Variants in GRID2 observed in about 807,000 individuals in gnomAD.
GRID2 encodes the protein glutamate ionotropic receptor delta type subunit 2.
GRID2 carries 33 observed loss-of-function variants against 114.8 expected under a neutral mutation model. That is an observed-to-expected ratio of 0.29 (90% CI 0.22 to 0.38). The LOEUF (loss-of-function observed/expected upper bound fraction) is 0.38, where lower values mean the gene tolerates loss of function less well. GRID2 is among the 10% of genes least tolerant of loss of function. The pLI is 1.00. For missense variants in GRID2, 1,184 were observed against 1,257.7 expected, an observed-to-expected ratio of 0.94 and a Z score of 0.89; for synonymous variants, 505 against 449.9, an observed-to-expected ratio of 1.12 and a Z score of -1.55.
intron 2 of GRID2, among the ~76,000 whole-genome samples, chr4:92,648,957 A>G (rs1731779105): frequency 7.9e-6 from 1 of 125,866 alleles, no homozygotes; most frequent in Non-Finnish European, 1.7e-5. Flanking sequence ...ATTTATGTGT[A>G]GAACTAGCTG....
chr4:93,438,540 G>T (rs1721320844), intron 10 of GRID2, among the ~76,000 whole-genome samples: 1 of 152,034 alleles, frequency 6.6e-6, no homozygotes, highest in African/African-American at 2.4e-5. Flanking sequence ...GTAGGCCTGA[G>T]AATGCATTGG....
In GRID2 at chr4:93,476,826, G is replaced by C. The variant is rs529939686; in HGVS notation, c.1859-13813G>C. Among the ~76,000 whole-genome samples the C allele has an allele frequency of 5.9e-5, 9 of 152,170 alleles. No homozygotes were observed. The South Asian group carries it at 1.9e-3, about 32-fold the overall frequency. ...CTTATATCAATGTTCTGAAGATATA[G>C]TCTTATTTTTATCATTAACATTTAC... is the stretch of plus-strand genomic sequence containing the variant. On this transcript the variant is annotated intron_variant, in intron 11 of 15. Transcript: ENST00000282020.
chr4:92,487,958 T>A (rs540333076), intron 1 of GRID2, among the ~76,000 whole-genome samples: 16 of 152,298 alleles, frequency 1.1e-4, no homozygotes, highest in Admixed American at 6.5e-4. Context: ...CTGTTAGATA[T>A]TCTGATTTAT....
intron 12 of GRID2, among the ~76,000 whole-genome samples, chr4:93,513,714 T>C (rs1371322989): frequency 6.6e-6 from 1 of 152,176 alleles, no homozygotes; most frequent in East Asian, 1.9e-4. Flanking sequence ...GTAAATAATA[T>C]ACATCAAAAA....
At position 93,774,319 on chromosome 4, in the gene GRID2, C is replaced by T. The variant is rs1447826881; in HGVS notation, c.*1821C>T. ...GTAACATTCATGATCTCATTTACAA[C>T]TCTGATTTTAAAACAAAAAAATCTT... is the stretch of plus-strand genomic sequence containing the variant. On this transcript the variant is annotated 3_prime_UTR_variant, in exon 16 of 16. Coordinates refer to ENST00000282020, the MANE Select transcript of GRID2 (RefSeq NM_001510.4). 2.6e-5 allele frequency: 4 copies of T among 151,984 alleles called. No individual in the cohort carries two copies. Among genetic ancestry groups the T allele is most frequent in the Non-Finnish European group, 5.9e-5 (4 of 67,952 alleles). 9.4% of individuals were successfully genotyped at this position (151,984 alleles called of 1,614,324 possible). A position where few individuals can be genotyped will look rare whatever the true frequency, so the allele number is the denominator to read the frequency against.
intron 2 of GRID2, among the ~76,000 whole-genome samples, chr4:92,760,819 C>A (rs1488700984): frequency 1.3e-5 from 2 of 151,994 alleles, no homozygotes; most frequent in Admixed American, 6.6e-5. Flanking sequence ...GCATGTTGGG[C>A]TTTATTTGTT....
chr4:93,128,466 T>A (rs1734503001), intron 4 of GRID2, among the ~76,000 whole-genome samples: 1 of 152,202 alleles, frequency 6.6e-6, no homozygotes, highest in Admixed American at 6.5e-5. Flanking sequence ...AGATAGTATT[T>A]AATTATTGAT....
intron 1 of GRID2, among the ~76,000 whole-genome samples, chr4:92,553,822 C>G (rs1339882663): frequency 6.6e-6 from 1 of 151,910 alleles, no homozygotes; most frequent in Non-Finnish European, 1.5e-5. Flanking sequence ...AACTAATTTT[C>G]TGTATTTTTA....
At chr4:93,412,473 C>T (rs555259239) in intron 9 of GRID2, among the ~76,000 whole-genome samples, 2 of 152,046 alleles carry the variant, frequency 1.3e-5, no homozygotes, top group Admixed American at 6.6e-5. Flanking sequence ...TTGCAATGAA[C>T]GTTTTAAAAA....
At chr4:92,748,685 G>A (rs1057196038) in intron 2 of GRID2, among the ~76,000 whole-genome samples, 1 of 139,600 alleles carries the variant, frequency 7.2e-6, no homozygotes, top group Non-Finnish European at 1.6e-5. Context: ...TATTTGAGAT[G>A]GAGTTTCACT....
chr4:92,921,789 G>C lies in GRID2; in HGVS notation c.245-163206G>C, dbSNP rs374578719. 2.6e-5 allele frequency among the ~76,000 whole-genome samples: 4 copies of C among 152,164 alleles called. No individual in the cohort carries two copies. The East Asian group carries it at 7.7e-4, about 29-fold the overall frequency. On this transcript the variant is annotated intron_variant, in intron 2 of 15. Coordinates refer to ENST00000282020, the MANE Select transcript of GRID2 (RefSeq NM_001510.4). ...AATGCCACCCAGTTAGGCTACTCAG[G>C]GGTCAGGGACCCACTTGAGGAGGCA... is the stretch of plus-strand genomic sequence containing the variant.
chr4:92,799,583 A>G (rs1249987271), intron 2 of GRID2, among the ~76,000 whole-genome samples: 1 of 151,852 alleles, frequency 6.6e-6, no homozygotes, highest in Admixed American at 6.6e-5. Context: ...GCACATCCCT[A>G]GCATCTCTTT....
intron 1 of GRID2, among the ~76,000 whole-genome samples, chr4:93,804,744 G>A (rs578260044): frequency 1.3e-5 from 2 of 152,168 alleles, no homozygotes; most frequent in South Asian, 4.2e-4. Flanking sequence ...GAAGTCACAG[G>A]GCCCCTCAAG....
chr4:92,463,347 C>T (rs1721588733), intron 1 of GRID2, among the ~76,000 whole-genome samples: 1 of 152,040 alleles, frequency 6.6e-6, no homozygotes, highest in African/African-American at 2.4e-5. Flanking sequence ...TATAAAACCA[C>T]TCCTCCTATA....
At chr4:92,422,232 C>A (rs558601812) in intron 1 of GRID2, among the ~76,000 whole-genome samples, 40 of 151,888 alleles carry the variant, frequency 2.6e-4, no homozygotes, top group African/African-American at 9.4e-4. Flanking sequence ...TTGGAAGAGC[C>A]GGGTAGTGTG....
intron 10 of GRID2, among the ~76,000 whole-genome samples, chr4:93,438,748 T>C (rs949281244): frequency 2.6e-5 from 4 of 152,014 alleles, no homozygotes; most frequent in Admixed American, 6.6e-5. Flanking sequence ...TTGTTACATA[T>C]GTATACATGT....
chr4:92,451,656 T>C (rs892663430), intron 1 of GRID2, among the ~76,000 whole-genome samples: 2 of 152,208 alleles, frequency 1.3e-5, no homozygotes, highest in African/African-American at 4.8e-5. Flanking sequence ...ATTTCACCAA[T>C]GATATGCATG....
intron 2 of GRID2, among the ~76,000 whole-genome samples, chr4:92,811,798 TTGAACAAA>T (rs1412156035): frequency 2.0e-5 from 3 of 152,196 alleles, no homozygotes; most frequent in African/African-American, 7.2e-5. Flanking sequence ...GTGAATATCA[TTGAACAAA>T]TGTCTGTTAA....
At chr4:93,541,192 A>G (rs1404091167) in intron 13 of GRID2, among the ~76,000 whole-genome samples, 3 of 152,150 alleles carry the variant, frequency 2.0e-5, no homozygotes, top group Admixed American at 6.6e-5. Context: ...TCTAAGAGAC[A>G]TTTTCCCAAA....
Sources: gnomAD v4.1 joint callset for allele counts (sites outside exome capture counted in the v4.1 genomes callset) on GRCh38, gnomAD v4.1.1 for gene constraint, MANE v1.5 for transcripts, NCBI Gene and HGNC (gene_info 2026-07-23, HGNC 2026-07-21) for gene names.